The following TAFA2 variants were observed in gnomAD, a reference collection of about 807,000 sequenced individuals.
The protein encoded by TAFA2 is chemokine-like protein TAFA-2.
Under a neutral mutation model 18.8 loss-of-function variants are expected in TAFA2, and 7 were observed. The observed-to-expected ratio is 0.37, with a 90% CI of 0.21 to 0.70. The LOEUF (loss-of-function observed/expected upper bound fraction) is 0.70, where lower values mean the gene tolerates loss of function less well. TAFA2 is among the 30% of genes least tolerant of loss of function. The pLI is 0.53. For synonymous variants in TAFA2, 60 were observed against 54.2 expected (o/e 1.11, Z -0.47); for missense variants, 122 against 158.1 (o/e 0.77, Z 1.23).
intron 1 of TAFA2, among the ~76,000 whole-genome samples, chr12:61,886,147 T>C (rs913179180): frequency 5.3e-5 from 8 of 152,176 alleles, no homozygotes; most frequent in African/African-American, 1.9e-4. Flanking sequence ...TTTCTTCTCC[T>C]CTTTTAGGCT....
intron 2 of TAFA2, among the ~76,000 whole-genome samples, chr12:61,765,254 A>G (rs927385239): frequency 6.6e-6 from 1 of 152,012 alleles, no homozygotes; most frequent in Admixed American, 6.6e-5. Flanking sequence ...TGACCTTGGA[A>G]ACCATGTGTA....
intron 1 of TAFA2, chr12:62,234,499 T>C (rs1160643607): frequency 3.7e-6 from 4 of 1,084,318 alleles, no homozygotes; most frequent in Non-Finnish European, 5.7e-6. Context: ...CATGAACTCT[T>C]GGCTGCACTG....
intron 2 of TAFA2, among the ~76,000 whole-genome samples, chr12:61,791,559 C>T (rs1870981241): frequency 6.6e-6 from 1 of 151,542 alleles, no homozygotes; most frequent in Admixed American, 6.6e-5. Flanking sequence ...GGGCAAAAGA[C>T]CTGAATAGAC....
intron 2 of TAFA2, among the ~76,000 whole-genome samples, chr12:61,821,734 A>C (rs1872331185): frequency 6.6e-6 from 1 of 152,148 alleles, no homozygotes; most frequent in African/African-American, 2.4e-5. Flanking sequence ...TATGGAATTT[A>C]AGTTTACAGA....
chr12:61,913,797 T>C (rs2121348535), intron 1 of TAFA2, among the ~76,000 whole-genome samples: 1 of 152,308 alleles, frequency 6.6e-6, no homozygotes, highest in South Asian at 2.1e-4. Context: ...AAAGGCAATA[T>C]TCCCAGCCTG....
intron 4 of TAFA2, among the ~76,000 whole-genome samples, chr12:61,734,408 A>C (rs1277025872): frequency 6.7e-6 from 1 of 149,900 alleles, no homozygotes; most frequent in Non-Finnish European, 1.5e-5. Flanking sequence ...AGATATACCT[A>C]ATACTAAATG....
chr12:61,899,173 A>G (rs1264800437), intron 1 of TAFA2, among the ~76,000 whole-genome samples: 1 of 152,144 alleles, frequency 6.6e-6, no homozygotes, highest in African/African-American at 2.4e-5. Context: ...GGAAGTTCCA[A>G]TCTTTCCTAC....
chr12:62,131,368 T>C (rs1347990680), intron 1 of TAFA2, among the ~76,000 whole-genome samples: 1 of 152,032 alleles, frequency 6.6e-6, no homozygotes, highest in Non-Finnish European at 1.5e-5. Flanking sequence ...CTCCTCCCTA[T>C]TAAGGGCTGG....
chr12:61,913,614 G>A (rs1382504976), intron 1 of TAFA2, among the ~76,000 whole-genome samples: 1 of 152,192 alleles, frequency 6.6e-6, no homozygotes, highest in Non-Finnish European at 1.5e-5. Context: ...AGTAGATAGG[G>A]ATCATGATTC....
At chr12:61,847,722 A>C (rs1873465050) in intron 2 of TAFA2, among the ~76,000 whole-genome samples, 1 of 152,234 alleles carries the variant, frequency 6.6e-6, no homozygotes. Context: ...GCAGAGCATG[A>C]GCAGTTTTTG....
At chr12:61,991,421 T>C (rs921729520) in intron 1 of TAFA2, among the ~76,000 whole-genome samples, 1 of 152,144 alleles carries the variant, frequency 6.6e-6, no homozygotes, top group Non-Finnish European at 1.5e-5. Context: ...CATATGTAGG[T>C]TTTTATGTCA....
chr12:62,239,271 C>A (rs942525828), intron 1 of TAFA2, among the ~76,000 whole-genome samples: 1 of 152,292 alleles, frequency 6.6e-6, no homozygotes, highest in African/African-American at 2.4e-5. Context: ...CACAAGCCCA[C>A]CTCTTAAGTG....
At chr12:62,081,887 T>A (rs960920460) in intron 1 of TAFA2, among the ~76,000 whole-genome samples, 6 of 152,056 alleles carry the variant, frequency 3.9e-5, no homozygotes, top group African/African-American at 1.4e-4. Flanking sequence ...GATCATCCCA[T>A]CACCTAGGTA....
intron 1 of TAFA2, among the ~76,000 whole-genome samples, chr12:61,871,669 G>A (rs1874608735): frequency 6.6e-6 from 1 of 152,218 alleles, no homozygotes; most frequent in African/African-American, 2.4e-5. Flanking sequence ...AGTTGTCGAA[G>A]TGGAGGACTG....
At chr12:61,848,069 A>C (rs1382054235) in intron 2 of TAFA2, among the ~76,000 whole-genome samples, 2 of 152,244 alleles carry the variant, frequency 1.3e-5, no homozygotes, top group Non-Finnish European at 2.9e-5. Flanking sequence ...CCAGTGAGTT[A>C]GCTATAACTT....
chr12:62,207,817 G>A (rs1185074221), intron 1 of TAFA2, among the ~76,000 whole-genome samples: 2 of 152,164 alleles, frequency 1.3e-5, no homozygotes, highest in African/African-American at 2.4e-5. Context: ...TCCCCAAGGT[G>A]TGCCCACATT....
intron 1 of TAFA2, among the ~76,000 whole-genome samples, chr12:62,004,063 T>C (rs1005099396): frequency 4.6e-5 from 7 of 152,164 alleles, no homozygotes; most frequent in African/African-American, 1.2e-4. Context: ...TTTATAGTTA[T>C]CTGAAATATT....
chr12:62,110,126 G>C (rs1018655820), intron 1 of TAFA2, among the ~76,000 whole-genome samples: 1 of 152,140 alleles, frequency 6.6e-6, no homozygotes, highest in African/African-American at 2.4e-5. Context: ...GTCATAAATA[G>C]CTCTTATTAT....
intron 2 of TAFA2, among the ~76,000 whole-genome samples, chr12:61,828,650 G>T (rs552855569): frequency 8.2e-4 from 125 of 151,862 alleles, no homozygotes; most frequent in African/African-American, 2.0e-3. Context: ...ACCAATATTT[G>T]GGAGAAAAAA....
Sources: allele counts gnomAD v4.1 joint callset (sites outside exome capture counted in the v4.1 genomes callset), GRCh38; gene constraint gnomAD v4.1.1; transcripts MANE v1.5; gene names NCBI Gene and HGNC (gene_info 2026-07-23, HGNC 2026-07-21).